ABCC1: variants seen among roughly 807,000 people sequenced by gnomAD.
The protein encoded by ABCC1 is ATP binding cassette subfamily C member 1 (ABCC1 blood group).
Under a neutral mutation model 172.9 loss-of-function variants are expected in ABCC1, and 83 were observed. The observed-to-expected ratio is 0.48, with a 90% CI of 0.40 to 0.58. ABCC1 has a LOEUF of 0.58. Ranked by LOEUF, ABCC1 falls within the 20% of genes least tolerant of loss-of-function variation. The pLI, the probability that ABCC1 is intolerant of heterozygous loss-of-function variation, is 0.00. For missense variants in ABCC1, 1,817 were observed against 2,002.7 expected (o/e 0.91, Z 1.77); for synonymous variants, 937 against 825.2 (o/e 1.14, Z -2.32).
rs747307258 is a variant in ABCC1, at chr16:16,124,870, C to A, written c.3672C>A (p.Ser1224Arg). Residue 1224 changes from serine to arginine, a missense_variant, in exon 25 of 31, where the codon AGC becomes AGA. By Grantham distance (110) the Ser-to-Arg change is moderately radical. Transcript: ENST00000399410. ...AALFAVISRH[S>R]LSAGLVGLSV... Reference sequence around the variant, plus strand: ...TGTTTGCGGTGATCTCCAGGCACAGCCTCAGTGCTGGCTTGGTGGGCCTCT... The same window carrying A: ...TGTTTGCGGTGATCTCCAGGCACAGACTCAGTGCTGGCTTGGTGGGCCTCT... The A allele has an allele frequency of 6.2e-7, 1 of 1,614,144 alleles. No individual in the cohort carries two copies. The highest frequency in any genetic ancestry group is 8.5e-7 in the Non-Finnish European group (1 of 1,180,028).
chr16:16,048,036 G>T (rs1377615643), intron 9 of ABCC1, 106 bp from the exon 10 acceptor site: 5 of 1,387,734 alleles, frequency 3.6e-6, no homozygotes, highest in Middle Eastern at 2.6e-4. Flanking sequence ...AGAGATCTGC[G>T]GCATTTCTGC....
intron 1 of ABCC1, among the ~76,000 whole-genome samples, chr16:15,998,678 C>T (rs2047141984): frequency 6.6e-6 from 1 of 152,210 alleles, no homozygotes; most frequent in African/African-American, 2.4e-5. Context: ...CTTCAATTTG[C>T]TTTCTGCAGG....
At chr16:15,966,982 G>A (rs1199349052) in intron 1 of ABCC1, among the ~76,000 whole-genome samples, 2 of 152,112 alleles carry the variant, frequency 1.3e-5, no homozygotes, top group Admixed American at 6.6e-5. Context: ...TGCCTGGCCT[G>A]CAGTGGTTTA....
At chr16:16,119,239 G>C (rs1055060036) in intron 23 of ABCC1, among the ~76,000 whole-genome samples, 9 of 152,246 alleles carry the variant, frequency 5.9e-5, no homozygotes, top group African/African-American at 7.2e-5. Context: ...CCAGGAGTTC[G>C]AGACCAGCCT....
chr16:16,041,886 C>A (rs1404925373), intron 7 of ABCC1, among the ~76,000 whole-genome samples: 1 of 152,130 alleles, frequency 6.6e-6, no homozygotes, highest in Non-Finnish European at 1.5e-5. Flanking sequence ...CACCTGAGTT[C>A]ATGAGTTCGA....
intron 1 of ABCC1, among the ~76,000 whole-genome samples, chr16:15,990,927 C>T (rs376276565): frequency 0.011 from 1,670 of 150,888 alleles, 10 homozygotes; most frequent in South Asian, 0.023. Context: ...CCTCCCAAAG[C>T]GGTGGGATTA....
intron 5 of ABCC1, among the ~76,000 whole-genome samples, chr16:16,028,738 C>T (rs539108368): frequency 1.7e-4 from 26 of 150,120 alleles, no homozygotes; most frequent in African/African-American, 6.3e-4. Flanking sequence ...CTGGCAGTCC[C>T]GGGGGATAGG....
chr16:16,107,512 A>C (rs2152074784), intron 21 of ABCC1, among the ~76,000 whole-genome samples: 1 of 151,282 alleles, frequency 6.6e-6, no homozygotes, highest in African/African-American at 2.4e-5. Flanking sequence ...CTGGTCTTGA[A>C]CTCCTGACCT....
chr16:16,141,444 G>T lies in ABCC1; in HGVS notation c.*163G>T. On this transcript the variant is annotated 3_prime_UTR_variant, in exon 31 of 31. Coordinates refer to ENST00000399410, the MANE Select transcript of ABCC1 (RefSeq NM_004996.4). ...TTCAAAGCAGCAGCCACCGCCATCC[G>T]GTCCCCTGCCTGGAACTGGCTGTGA... 4.7e-6 allele frequency: 3 copies of T among 636,072 alleles called. No individual in the cohort carries two copies. The highest frequency in any genetic ancestry group is 1.8e-5 in the African/African-American group (1 of 54,606). The allele number at this position is 636,072 out of a possible 1,614,324, so 39.4% of individuals were successfully genotyped here. A position where few individuals can be genotyped will look rare whatever the true frequency, so the allele number is the denominator to read the frequency against.
intron 3 of ABCC1, among the ~76,000 whole-genome samples, chr16:16,012,107 C>T (rs2047806877): frequency 6.6e-6 from 1 of 152,136 alleles, no homozygotes; most frequent in South Asian, 2.1e-4. Context: ...CTGCCCAGAC[C>T]ATGATTCTAT....
At position 16,030,246 on chromosome 16, in the gene ABCC1, G is replaced by A. The variant is rs569587714; in HGVS notation, c.616-2863G>A. 5.9e-5 allele frequency among the ~76,000 whole-genome samples: 9 copies of A among 152,204 alleles called. No homozygotes were observed. The South Asian group carries it at 1.2e-3, about 21-fold the overall frequency. ...TTGTGTACATAAACATGTAAGGCTG[G>A]GCGCAGTGGCTCAAGCCTGTAATCC... On this transcript the variant is annotated intron_variant, in intron 5 of 30. Transcript: ENST00000399410.
intron 27 of ABCC1, 25 bp from the exon 28 acceptor site, chr16:16,134,325 A>C: frequency 6.2e-7 from 1 of 1,612,810 alleles, no homozygotes; most frequent in South Asian, 1.1e-5. Context: ...CATTCCCACC[A>C]CACCTGGGCC....
chr16:16,065,358 T>C, intron 12 of ABCC1, among the ~76,000 whole-genome samples: 1 of 152,188 alleles, frequency 6.6e-6, no homozygotes, highest in Non-Finnish European at 1.5e-5. Context: ...CCTCCTGGGC[T>C]CAAATGATTC....
At chr16:16,106,973 T>C in intron 21 of ABCC1, 100 bp downstream of exon 21, 1 of 1,486,844 alleles carries the variant, frequency 6.7e-7, no homozygotes, top group Non-Finnish European at 9.2e-7. Context: ...TTAACTCACC[T>C]GTCCATCACA....
intron 1 of ABCC1, among the ~76,000 whole-genome samples, chr16:15,958,230 C>T (rs930158899): frequency 6.6e-6 from 1 of 152,104 alleles, no homozygotes. Flanking sequence ...CTCAGCTTCC[C>T]GAGTAGCTGG....
In ABCC1 at chr16:16,134,407, C is replaced by G. The variant is rs201020041; in HGVS notation, c.4024C>G (p.Arg1342Gly). ...GTCGTCCCTGACCCTGGGCTTATTT[C>G]GGATCAACGAGTCTGCCGAAGGAGA... ...GKSSLTLGLF[R>G]INESAEGEII... Residue 1342 changes from arginine to glycine, a missense_variant, in exon 28 of 31, where the codon CGG becomes GGG. Arg to Gly is a moderately radical substitution (Grantham distance 125). Transcript: ENST00000399410. The G allele has an allele frequency of 5.0e-6, 8 of 1,613,998 alleles. No homozygotes were observed. Among genetic ancestry groups the G allele is most frequent in the Non-Finnish European group, 6.8e-6 (8 of 1,180,040 alleles).
chr16:16,056,454 G>A (rs2049659562), intron 12 of ABCC1, 159 bp downstream of exon 12: 1 of 760,192 alleles, frequency 1.3e-6, no homozygotes. Flanking sequence ...ATCACCTGAG[G>A]TCAGGAGTTC....
intron 29 of ABCC1, among the ~76,000 whole-genome samples, chr16:16,138,035 T>C (rs9927011): frequency 0.017 from 2,624 of 152,036 alleles, 65 homozygotes; most frequent in African/African-American, 0.059. Flanking sequence ...ATTTTTGTTT[T>C]TGGAGAGATG....
At chr16:16,135,622 G>C (rs1487749863) in intron 28 of ABCC1, among the ~76,000 whole-genome samples, 1 of 151,938 alleles carries the variant, frequency 6.6e-6, no homozygotes, top group Non-Finnish European at 1.5e-5. Flanking sequence ...TGCGTGGCTA[G>C]TTTTTGTATT....
Sources: gnomAD v4.1 joint callset for allele counts (sites outside exome capture counted in the v4.1 genomes callset) on GRCh38, gnomAD v4.1.1 for gene constraint, MANE v1.5 for transcripts, NCBI Gene and HGNC (gene_info 2026-07-23, HGNC 2026-07-21) for gene names.